Variants in SPIN1 observed in about 807,000 individuals in gnomAD.
The protein encoded by SPIN1 is spindlin-1.
SPIN1 carries 3 observed loss-of-function variants against 26.0 expected under a neutral mutation model. That is an observed-to-expected ratio of 0.12 (90% CI 0.05 to 0.30). The LOEUF is 0.30. Among genes scored for constraint, SPIN1 ranks in the 10% least tolerant of loss-of-function variants. SPIN1 has a pLI of 1.00. For synonymous variants in SPIN1, 101 were observed against 116.5 expected, an observed-to-expected ratio of 0.87 and a Z score of 0.86; for missense variants, 126 against 333.4, an observed-to-expected ratio of 0.38 and a Z score of 4.84.
rs372415391 is a variant in SPIN1 at position 88,411,791 on chromosome 9, A to G, written c.-158-14591A>G. The stretch of plus-strand genomic sequence containing the variant: ...TTGCCTTCCAAAGTGCTGGGATTAC[A>G]GGTGTGAACCACTGTGCCTGGCCTA... On this transcript the variant is annotated intron_variant, in intron 1 of 5. Coordinates refer to ENST00000375859, the MANE Select transcript of SPIN1 (RefSeq NM_006717.3). Among the ~76,000 whole-genome samples the G allele has an allele frequency of 1.8e-3, 277 of 152,244 alleles. 9 individuals carry two copies. In the South Asian group the frequency reaches 0.046, roughly 25 times the overall value.
In SPIN1 at chr9:88,394,206, C is replaced by G. The variant is rs112048212; in HGVS notation, c.-159+5668C>G. 1.4e-4 allele frequency among the ~76,000 whole-genome samples: 22 copies of G among 152,314 alleles called. 2 individuals are homozygous for G. Among genetic ancestry groups the G allele is most frequent in the African/African-American group, 4.8e-4 (20 of 41,574 alleles). ...TTTCCTTAGCTTTTCACAACTTGGA[C>G]ATGTTGAGGTCCTTTCAACCTGGTT... On this transcript the variant is annotated intron_variant, in intron 1 of 5. Coordinates refer to ENST00000375859, the MANE Select transcript of SPIN1 (RefSeq NM_006717.3).
At chr9:88,442,528 C>T (rs889140419) in intron 2 of SPIN1, among the ~76,000 whole-genome samples, 3 of 151,854 alleles carry the variant, frequency 2.0e-5, no homozygotes, top group Admixed American at 2.0e-4. Context: ...CTCAGCCTCC[C>T]GAGTAGCTGG....
intron 2 of SPIN1, among the ~76,000 whole-genome samples, chr9:88,427,202 C>T (rs7872705): frequency 0.19 from 28,443 of 151,970 alleles, 3,521 homozygotes; most frequent in African/African-American, 0.36. Context: ...AGACATATAT[C>T]TGAATGTTGA....
At chr9:88,471,135 T>C (rs1828775016) in intron 5 of SPIN1, among the ~76,000 whole-genome samples, 1 of 152,212 alleles carries the variant, frequency 6.6e-6, no homozygotes, top group Non-Finnish European at 1.5e-5. Flanking sequence ...TTGCTGAGTA[T>C]GCTTTTTGTG....
chr9:88,421,276 C>G lies in SPIN1; in HGVS notation c.-158-5106C>G, dbSNP rs141005008. Among the ~76,000 whole-genome samples the G allele has an allele frequency of 1.9e-3, 283 of 151,896 alleles. 1 individual carries two copies. The highest frequency in any genetic ancestry group is 3.5e-3 in the Non-Finnish European group (238 of 67,954). On this transcript the variant is annotated intron_variant, in intron 1 of 5. Transcript: ENST00000375859. ...ATGTTTAGTCTGCATTTAAATTTTC[C>G]CAGTTGTCTTAAATGTGTGTGTGTG...
chr9:88,450,800 A>G (rs1339010517), intron 3 of SPIN1, among the ~76,000 whole-genome samples: 1 of 152,200 alleles, frequency 6.6e-6, no homozygotes, highest in African/African-American at 2.4e-5. Context: ...GAAGATGGGT[A>G]GAAGGAAAGG....
chr9:88,470,526 CATT>C (rs767124412), intron 5 of SPIN1, among the ~76,000 whole-genome samples: 5 of 152,088 alleles, frequency 3.3e-5, no homozygotes, highest in Non-Finnish European at 5.9e-5. Flanking sequence ...AGTGGTATCT[CATT>C]GTGGCTTTGA....
chr9:88,440,923 T>C (rs1237966950), intron 2 of SPIN1, among the ~76,000 whole-genome samples: 2 of 151,002 alleles, frequency 1.3e-5, no homozygotes, highest in African/African-American at 4.9e-5. Context: ...CTTTGTGTTT[T>C]CTTACAAAAA....
intron 4 of SPIN1, among the ~76,000 whole-genome samples, chr9:88,465,187 A>C (rs1357043108): frequency 6.6e-6 from 1 of 152,240 alleles, no homozygotes; most frequent in Non-Finnish European, 1.5e-5. Flanking sequence ...CTCTTGGTAG[A>C]ATGTAAAATT....
intron 2 of SPIN1, 97 bp from the exon 3 acceptor site, chr9:88,448,844 T>C (rs1018121207): frequency 1.8e-6 from 2 of 1,086,152 alleles, no homozygotes; most frequent in Admixed American, 4.2e-5. Flanking sequence ...TTTCTTTTCA[T>C]ATTCTGTATA....
chr9:88,391,110 C>T (rs1485402094), intron 1 of SPIN1, among the ~76,000 whole-genome samples: 1 of 152,144 alleles, frequency 6.6e-6, no homozygotes, highest in Non-Finnish European at 1.5e-5. Context: ...ACATAGGACA[C>T]TTAGGACCTA....
At chr9:88,460,503 A>G (rs959349445) in intron 3 of SPIN1, among the ~76,000 whole-genome samples, 38 of 152,306 alleles carry the variant, frequency 2.5e-4, no homozygotes, top group African/African-American at 8.2e-4. Context: ...GAGATTTATT[A>G]TGAGGAAATT....
chr9:88,458,010 T>A, intron 3 of SPIN1: 1 of 982,918 alleles, frequency 1.0e-6, no homozygotes, highest in South Asian at 4.7e-5. Flanking sequence ...TCTTGTTTGG[T>A]TTTAGTGTTG....
At chr9:88,441,550 G>T (rs2118099100) in intron 2 of SPIN1, among the ~76,000 whole-genome samples, 1 of 151,936 alleles carries the variant, frequency 6.6e-6, no homozygotes, top group South Asian at 2.1e-4. Context: ...TTGAGCCCAG[G>T]AGTTCGAGAC....
intron 1 of SPIN1, among the ~76,000 whole-genome samples, chr9:88,399,563 G>C (rs1827142992): frequency 6.6e-6 from 1 of 152,112 alleles, no homozygotes; most frequent in Admixed American, 6.6e-5. Context: ...AGGCAGAGAA[G>C]CTTAAGGAGA....
At chr9:88,414,325 G>A (rs1209083107) in intron 1 of SPIN1, among the ~76,000 whole-genome samples, 1 of 152,140 alleles carries the variant, frequency 6.6e-6, no homozygotes, top group Non-Finnish European at 1.5e-5. Context: ...TGGTCTTTCT[G>A]GTTTGGCCAG....
intron 1 of SPIN1, among the ~76,000 whole-genome samples, chr9:88,408,675 CT>C (rs773420022): frequency 0.022 from 2,848 of 128,812 alleles, 30 homozygotes; most frequent in Middle Eastern, 0.065. Context: ...ATGCCTGGCC[CT>C]TTTTTTTTTT....
intron 1 of SPIN1, among the ~76,000 whole-genome samples, chr9:88,402,785 C>T (rs1180802379): frequency 6.6e-6 from 1 of 151,982 alleles, no homozygotes; most frequent in Non-Finnish European, 1.5e-5. Context: ...TGTATGTATC[C>T]CTTTGATAAT....
At chr9:88,446,272 T>G (rs972231723) in intron 2 of SPIN1, among the ~76,000 whole-genome samples, 6 of 152,236 alleles carry the variant, frequency 3.9e-5, no homozygotes, top group African/African-American at 1.4e-4. Context: ...GAAGCTAGTT[T>G]GTTTGGCTTT....
Sources: allele counts gnomAD v4.1 joint callset (sites outside exome capture counted in the v4.1 genomes callset), GRCh38; gene constraint gnomAD v4.1.1; transcripts MANE v1.5; gene names NCBI Gene and HGNC (gene_info 2026-07-23, HGNC 2026-07-21).